The following GPD1L variants were observed in gnomAD, a reference collection of about 807,000 sequenced individuals.
GPD1L encodes glycerol-3-phosphate dehydrogenase 1-like protein.
A neutral mutation model predicts 32.9 loss-of-function variants in GPD1L; 17 were observed. That is an observed-to-expected ratio of 0.52 (90% CI 0.35 to 0.78). The LOEUF is 0.78. GPD1L is among the 30% of genes least tolerant of loss of function. GPD1L has a pLI of 0.01. For missense variants in GPD1L, 361 were observed against 447.8 expected (o/e 0.81, Z 1.75); for synonymous variants, 187 against 165.9 (o/e 1.13, Z -0.98).
chr3:32,111,191 C>T (rs1371251435), intron 1 of GPD1L, among the ~76,000 whole-genome samples: 2 of 152,146 alleles, frequency 1.3e-5, no homozygotes, highest in Non-Finnish European at 2.9e-5. Context: ...TTAACCAGCA[C>T]CTTGGGAAGA....
intron 5 of GPD1L, among the ~76,000 whole-genome samples, chr3:32,150,399 C>T (rs1003779917): frequency 6.6e-6 from 1 of 152,114 alleles, no homozygotes; most frequent in African/African-American, 2.4e-5. Flanking sequence ...GCCTCAGCCT[C>T]CCAAGTAGCT....
At chr3:32,134,938 G>A (rs80157207) in intron 2 of GPD1L, among the ~76,000 whole-genome samples, 3,012 of 152,318 alleles carry the variant, frequency 0.02, 98 homozygotes, top group African/African-American at 0.068. Context: ...TACTTAATTG[G>A]AAAGGGTTCT....
chr3:32,135,463 T>C (rs1433564347), intron 2 of GPD1L, among the ~76,000 whole-genome samples: 1 of 134,244 alleles, frequency 7.4e-6, no homozygotes, highest in Non-Finnish European at 1.5e-5. Context: ...TTTTGTTTTG[T>C]TTTTTTTGAG....
rs1187165674 is a variant in GPD1L at position 32,106,799 on chromosome 3, G to A, written c.47+41G>A. The stretch of plus-strand genomic sequence containing the variant: ...CTGGAGGCCGGGGCTCCGCTTCCAG[G>A]AAGCGCCTCTCCCGGGCGGTGAGGG... On this transcript the variant is annotated intron_variant, in intron 1 of 7. Coordinates refer to ENST00000282541, the MANE Select transcript of GPD1L (RefSeq NM_015141.4). This position sits in a 1 kb window ranked among gnomAD's most constrained non-coding sequence, Gnocchi z 4.0. The A allele has an allele frequency of 5.2e-6, 8 of 1,539,288 alleles. No homozygotes were observed. Among genetic ancestry groups the A allele is most frequent in the Admixed American group, 1.9e-5 (1 of 52,010 alleles).
chr3:32,140,778 G>T (rs1700731936), intron 4 of GPD1L, among the ~76,000 whole-genome samples: 1 of 152,130 alleles, frequency 6.6e-6, no homozygotes, highest in African/African-American at 2.4e-5. Flanking sequence ...TCTAAAAATT[G>T]GTTGAATGAC....
Position 32,159,600 on chromosome 3 carries a change from T to C in GPD1L, c.885T>C (p.Asn295=). The change falls in exon 7 of 8, where the codon AAT becomes AAC. Residue 295 remains asparagine, a synonymous_variant. Coordinates refer to ENST00000282541, the MANE Select transcript of GPD1L (RefSeq NM_015141.4). ...TIEELEKEML[N]GQKLQGPQTS... is the part of the protein sequence containing the mutation. ...AAGAGTTGGAGAAGGAGATGCTGAATGGGCAAAAGCTCCAAGGACCGCAGA... is the reference window on the plus strand; with the variant it reads ...AAGAGTTGGAGAAGGAGATGCTGAACGGGCAAAAGCTCCAAGGACCGCAGA... 6.2e-7 allele frequency: 1 copy of C among 1,612,466 alleles called. No homozygotes were observed. Among genetic ancestry groups the C allele is most frequent in the Non-Finnish European group, 8.5e-7 (1 of 1,178,698 alleles).
At chr3:32,115,751 C>T (rs1279352849) in intron 1 of GPD1L, among the ~76,000 whole-genome samples, 5 of 101,496 alleles carry the variant, frequency 4.9e-5, no homozygotes, top group Admixed American at 1.3e-4. Context: ...TTTTCGTGTA[C>T]GTTGAACTTT....
chr3:32,140,576 A>G (rs1700729717), intron 4 of GPD1L, among the ~76,000 whole-genome samples: 1 of 152,238 alleles, frequency 6.6e-6, no homozygotes, highest in African/African-American at 2.4e-5. Flanking sequence ...ATATAAATGA[A>G]TATAGCCAAG....
At chr3:32,160,123 C>G (rs982553209) in intron 7 of GPD1L, among the ~76,000 whole-genome samples, 1 of 151,258 alleles carries the variant, frequency 6.6e-6, no homozygotes, top group Non-Finnish European at 1.5e-5. Flanking sequence ...AAGTTTGGTG[C>G]ACAGCCTTCC....
intron 1 of GPD1L, among the ~76,000 whole-genome samples, chr3:32,108,474 C>T (rs960378311): frequency 1.3e-5 from 2 of 152,074 alleles, no homozygotes; most frequent in African/African-American, 2.4e-5. Context: ...ATTGCACCAT[C>T]GTACTCTAGT....
At chr3:32,122,060 TGC>T (rs1197695372) in intron 1 of GPD1L, among the ~76,000 whole-genome samples, 2 of 152,118 alleles carry the variant, frequency 1.3e-5, no homozygotes, top group African/African-American at 4.8e-5. Context: ...TGAGCCACCG[TGC>T]GCAGCAGCAC....
At chr3:32,140,145 T>C (rs1700719787) in intron 3 of GPD1L, 83 bp from the exon 4 acceptor site, 1 of 1,409,952 alleles carries the variant, frequency 7.1e-7, no homozygotes, top group Non-Finnish European at 1.0e-6. Context: ...ATTTTTCAAG[T>C]TGTGTAGCCA....
In GPD1L at chr3:32,121,590, T is replaced by TATATATATA. The variant is rs1491584069; in HGVS notation, c.48-6485_48-6477dup. Among the ~76,000 whole-genome samples, 7 of 89,816 alleles carry TATATATATA rather than the reference T, an allele frequency of 7.8e-5. 2 individuals carry two copies. The highest frequency in any genetic ancestry group is 2.9e-4 in the African/African-American group (5 of 17,128). The allele number at this position is 89,816 out of a possible 152,430, so 58.9% of individuals were successfully genotyped here. A position where few individuals can be genotyped will look rare whatever the true frequency, so the allele number is the denominator to read the frequency against. ...GTATATATTTCTATATATATATTTC[T>TATATATATA]ATATATATATTTCTATATATATTTC... is the stretch of plus-strand genomic sequence containing the variant. On this transcript the variant is annotated intron_variant, in intron 1 of 7. Transcript: ENST00000282541.
At chr3:32,151,229 A>C in intron 5 of GPD1L, 1 of 595,110 alleles carries the variant, frequency 1.7e-6, no homozygotes, top group Non-Finnish European at 3.2e-6. Context: ...TTTTCTGATC[A>C]TTTTCCTTCA....
At chr3:32,121,646 AATAT>A (rs1416899970) in intron 1 of GPD1L, among the ~76,000 whole-genome samples, 1 of 93,032 alleles carries the variant, frequency 1.1e-5, no homozygotes, top group Non-Finnish European at 1.9e-5. Context: ...CTATATATAT[AATAT>A]ATATATTTCT....
chr3:32,147,381 G>A (rs946275993), intron 5 of GPD1L, among the ~76,000 whole-genome samples: 1 of 152,176 alleles, frequency 6.6e-6, no homozygotes, highest in African/African-American at 2.4e-5. Flanking sequence ...ATACAGAAAA[G>A]TACAAAAATC....
At chr3:32,138,791 CTT>C in intron 3 of GPD1L, 64 bp downstream of exon 3, 2 of 1,502,420 alleles carry the variant, frequency 1.3e-6, no homozygotes, top group African/African-American at 2.7e-5. Flanking sequence ...TTTCCTCACA[CTT>C]TCATCTGCTT....
chr3:32,116,159 A>G (rs1700330492), intron 1 of GPD1L, among the ~76,000 whole-genome samples: 1 of 151,840 alleles, frequency 6.6e-6, no homozygotes, highest in Non-Finnish European at 1.5e-5. Flanking sequence ...TGTAGACTGT[A>G]CTCCATGGTT....
chr3:32,106,952 C>T lies in GPD1L; in HGVS notation c.47+194C>T. On this transcript the variant is annotated intron_variant, in intron 1 of 7. Coordinates refer to ENST00000282541, the MANE Select transcript of GPD1L (RefSeq NM_015141.4). The surrounding 1 kb of genome is among the most constrained non-coding windows in gnomAD (Gnocchi z 4.0). Reference sequence around the variant, plus strand: ...CACCGGGGCACTCGCTCGGGAGGCGCTGGGCTCGCGTGCGTGCGGGGGACA... The same window carrying T: ...CACCGGGGCACTCGCTCGGGAGGCGTTGGGCTCGCGTGCGTGCGGGGGACA... 2.2e-6 allele frequency: 1 copy of T among 449,038 alleles called. No homozygotes were observed. The highest frequency in any genetic ancestry group is 3.7e-6 in the Non-Finnish European group (1 of 271,838). 27.8% of individuals were successfully genotyped at this position (449,038 alleles called of 1,614,324 possible). A position where few individuals can be genotyped will look rare whatever the true frequency, so the allele number is the denominator to read the frequency against.
Sources: gnomAD v4.1 joint callset for allele counts (sites outside exome capture counted in the v4.1 genomes callset) on GRCh38, gnomAD v4.1.1 for gene constraint, Gnocchi (gnomAD v3.1) non-coding constraint, MANE v1.5 for transcripts, NCBI Gene and HGNC (gene_info 2026-07-23, HGNC 2026-07-21) for gene names.